Variants in RIN3 observed in about 807,000 individuals in gnomAD.
RIN3 encodes RAB5 interacting protein 3.
Under a neutral mutation model 76.3 loss-of-function variants are expected in RIN3, and 54 were observed. The ratio of observed to expected loss-of-function variants is 0.71; its 90% CI spans 0.57 to 0.89. The LOEUF (loss-of-function observed/expected upper bound fraction) is 0.89, where lower values mean the gene tolerates loss of function less well. Ranked by LOEUF, RIN3 falls within the 40% of genes least tolerant of loss-of-function variation. RIN3 has a pLI of 0.00. For missense variants in RIN3, 1,256 were observed against 1,322.1 expected, an observed-to-expected ratio of 0.95 and a Z score of 0.78; for synonymous variants, 576 against 564.0, an observed-to-expected ratio of 1.02 and a Z score of -0.30.
At chr14:92,554,881 C>T (rs1400875707) in intron 1 of RIN3, among the ~76,000 whole-genome samples, 9 of 152,214 alleles carry the variant, frequency 5.9e-5, no homozygotes, top group Non-Finnish European at 1.2e-4. Context: ...TGAGATCACG[C>T]CACTGCATTC....
intron 3 of RIN3, among the ~76,000 whole-genome samples, chr14:92,596,233 G>A (rs1311714901): frequency 6.6e-6 from 1 of 152,238 alleles, no homozygotes; most frequent in African/African-American, 2.4e-5. Flanking sequence ...TCCCCCAGGT[G>A]AGACCAATTC....
rs142593078 is a variant in RIN3, at chr14:92,529,243, C to CTT, written c.44+15275_44+15276dup. Among the ~76,000 whole-genome samples, 111 of 138,312 alleles carry CTT rather than the reference C, an allele frequency of 8.0e-4. 2 individuals carry two copies. The highest frequency in any genetic ancestry group is 3.5e-3 in the African/African-American group (103 of 29,480). The allele number at this position is 138,312 out of a possible 152,430, so 90.7% of individuals were successfully genotyped here. A position where few individuals can be genotyped will look rare whatever the true frequency, so the allele number is the denominator to read the frequency against. On this transcript the variant is annotated intron_variant, in intron 1 of 9. Coordinates refer to ENST00000216487, the MANE Select transcript of RIN3 (RefSeq NM_024832.5). Reference sequence around the variant, plus strand: ...ATGCATTTGTAAGCCCCAGATCAACCTTTTTTTTTCTTTTTTTTTTTTTGA... The same window carrying CTT: ...ATGCATTTGTAAGCCCCAGATCAACCTTTTTTTTTTTCTTTTTTTTTTTTTGA...
At chr14:92,548,150 G>T (rs1023954528) in intron 1 of RIN3, among the ~76,000 whole-genome samples, 10 of 152,158 alleles carry the variant, frequency 6.6e-5, no homozygotes, top group African/African-American at 2.2e-4. Context: ...ATGTCACTGT[G>T]TGTGTTTGTG....
At chr14:92,659,889 G>T (rs993083096) in intron 7 of RIN3, among the ~76,000 whole-genome samples, 2 of 152,200 alleles carry the variant, frequency 1.3e-5, no homozygotes, top group African/African-American at 4.8e-5. Flanking sequence ...ACCAGGGAAG[G>T]TTCTGTTCCT....
At chr14:92,638,933 G>C (rs1025908340) in intron 4 of RIN3, among the ~76,000 whole-genome samples, 1 of 152,170 alleles carries the variant, frequency 6.6e-6, no homozygotes, top group Non-Finnish European at 1.5e-5. Flanking sequence ...CAGCTCCATC[G>C]AAGCACTTCC....
At chr14:92,669,768 A>C (rs993279175) in intron 7 of RIN3, among the ~76,000 whole-genome samples, 1 of 152,252 alleles carries the variant, frequency 6.6e-6, no homozygotes, top group Non-Finnish European at 1.5e-5. Context: ...ATTGGAACAC[A>C]ACCCATATCC....
intron 4 of RIN3, among the ~76,000 whole-genome samples, chr14:92,619,083 C>T (rs1419400184): frequency 1.3e-5 from 2 of 152,080 alleles, no homozygotes; most frequent in Non-Finnish European, 2.9e-5. Context: ...TTTTAGAAAT[C>T]CCATACAATT....
intron 7 of RIN3, among the ~76,000 whole-genome samples, chr14:92,666,204 C>T (rs892233129): frequency 1.3e-5 from 2 of 152,204 alleles, no homozygotes; most frequent in Non-Finnish European, 2.9e-5. Flanking sequence ...TGCTATGATG[C>T]AGGCAACAGT....
rs1162837855 is a variant in RIN3, at chr14:92,538,280, T to C, written c.45-17471T>C. Among the ~76,000 whole-genome samples the C allele has an allele frequency of 2.0e-5, 3 of 152,270 alleles. No individual in the cohort carries two copies. In the East Asian group the frequency reaches 5.8e-4, roughly 29 times the overall value. ...CACCATGCCTGGCCCTTAGGGACGA[T>C]TTTTAATGGCTATATATTATTCCAT... On this transcript the variant is annotated intron_variant, in intron 1 of 9. Coordinates refer to ENST00000216487, the MANE Select transcript of RIN3 (RefSeq NM_024832.5).
intron 7 of RIN3, among the ~76,000 whole-genome samples, chr14:92,672,456 G>A (rs1442920496): frequency 6.6e-6 from 1 of 152,158 alleles, no homozygotes; most frequent in Non-Finnish European, 1.5e-5. Context: ...GCAAGAGGAA[G>A]GAAAGCAACC....
intron 9 of RIN3, 72 bp from the exon 10 acceptor site, chr14:92,687,854 G>T: frequency 7.4e-7 from 1 of 1,347,674 alleles, no homozygotes; most frequent in Non-Finnish European, 9.8e-7. Context: ...TCCAGGGAGG[G>T]GCCTGGGCCG....
At chr14:92,618,707 C>T (rs1886060744) in intron 4 of RIN3, among the ~76,000 whole-genome samples, 1 of 152,108 alleles carries the variant, frequency 6.6e-6, no homozygotes, top group Non-Finnish European at 1.5e-5. Context: ...ACCAATTGTA[C>T]CTGAAGCTTT....
chr14:92,585,709 C>T (rs1299983565), intron 3 of RIN3, among the ~76,000 whole-genome samples: 3 of 152,180 alleles, frequency 2.0e-5, no homozygotes, highest in African/African-American at 7.2e-5. Context: ...CAGCTCACTG[C>T]AGCCTCAACC....
intron 1 of RIN3, among the ~76,000 whole-genome samples, chr14:92,523,750 A>C (rs1896656196): frequency 6.6e-6 from 1 of 152,210 alleles, no homozygotes; most frequent in African/African-American, 2.4e-5. Context: ...GTGCTTTGAC[A>C]GGGCTAGGTT....
chr14:92,687,955 C>G lies in RIN3; in HGVS notation c.2661C>G (p.Pro887=). 1 of 1,552,790 alleles carries G rather than the reference C, an allele frequency of 6.4e-7. No homozygotes were observed. Among genetic ancestry groups the G allele is most frequent in the Non-Finnish European group, 8.7e-7 (1 of 1,149,266 alleles). The part of the protein sequence containing the change: ...QDFICVSYLE[P]EQQARTLASR... ...TCATCTGCGTGTCGTACCTGGAGCC[C>G]GAGCAGCAGGCGCGGACGCTGGCGT... The change falls in exon 10 of 10, where the codon CCC becomes CCG. Residue 887 remains proline, a synonymous_variant. Transcript: ENST00000216487.
chr14:92,604,358 G>A (rs1750255466), intron 3 of RIN3, among the ~76,000 whole-genome samples: 2 of 152,252 alleles, frequency 1.3e-5, no homozygotes, highest in African/African-American at 2.4e-5. Flanking sequence ...CCCCTTTTAG[G>A]AAAGAGGATC....
intron 7 of RIN3, among the ~76,000 whole-genome samples, chr14:92,671,489 G>A (rs1330637192): frequency 6.6e-6 from 1 of 152,176 alleles, no homozygotes; most frequent in Admixed American, 6.5e-5. Flanking sequence ...AGTAACCCTG[G>A]GGCAGCCCAG....
chr14:92,580,426 G>GC (rs1898400144), intron 3 of RIN3, among the ~76,000 whole-genome samples: 1 of 152,216 alleles, frequency 6.6e-6, no homozygotes, highest in Non-Finnish European at 1.5e-5. Flanking sequence ...GTTATGGAGT[G>GC]CCCACTCTGT....
At chr14:92,687,720 A>T in intron 9 of RIN3, 1 of 541,218 alleles carries the variant, frequency 1.8e-6, no homozygotes, top group East Asian at 3.4e-5. Context: ...ATCTCCCAGA[A>T]CTGTCGGCCC....
Sources: gnomAD v4.1 joint callset for allele counts (sites outside exome capture counted in the v4.1 genomes callset) on GRCh38, gnomAD v4.1.1 for gene constraint, MANE v1.5 for transcripts, NCBI Gene and HGNC (gene_info 2026-07-23, HGNC 2026-07-21) for gene names.